FNDC7: variants seen among roughly 807,000 people sequenced by gnomAD.
FNDC7 encodes fibronectin type III domain containing 7.
FNDC7 carries 66 observed loss-of-function variants against 74.2 expected under a neutral mutation model. The ratio of observed to expected loss-of-function variants is 0.89; its 90% confidence interval spans 0.73 to 1.09. FNDC7 has a LOEUF of 1.09. FNDC7 is among the 50% of genes least tolerant of loss of function. The pLI, the probability that FNDC7 is intolerant of heterozygous loss-of-function variation, is 0.00. For missense variants in FNDC7, 829 were observed against 893.4 expected (o/e 0.93, Z 0.92); for synonymous variants, 307 against 330.2 (o/e 0.93, Z 0.76).
chr1:108,732,322 A>C (rs28684574), intron 9 of FNDC7, among the ~76,000 whole-genome samples: 9,617 of 145,802 alleles, frequency 0.066, 775 homozygotes, highest in African/African-American at 0.2. Context: ...AGCCTGGGCA[A>C]CAGAGCGAGA....
rs146062103 is a variant in FNDC7 at position 108,739,474 on chromosome 1, C to T, written c.2170+1950C>T. 7.3e-3 allele frequency among the ~76,000 whole-genome samples: 1,107 copies of T among 152,288 alleles called. 10 individuals are homozygous for T. Among genetic ancestry groups the T allele is most frequent in the African/African-American group, 0.022 (896 of 41,554 alleles). ...AGTGAGCTATGATAGCACCACTGCG[C>T]TCCAGCCTGGGTGACAGAGTGAGAC... On this transcript the variant is annotated intron_variant, in intron 11 of 12. Coordinates refer to ENST00000370017, the MANE Select transcript of FNDC7 (RefSeq NM_001144937.3).
At chr1:108,736,573 T>C in intron 10 of FNDC7, among the ~76,000 whole-genome samples, 1 of 152,236 alleles carries the variant, frequency 6.6e-6, no homozygotes, top group African/African-American at 2.4e-5. Context: ...TTTTGTTCTT[T>C]CTCCTGCTCC....
intron 1 of FNDC7, 93 bp downstream of exon 1, chr1:108,713,089 A>G (rs1660906310): frequency 1.8e-6 from 2 of 1,124,274 alleles, no homozygotes. Context: ...GAGTTGGGGA[A>G]TAGGGAGATA....
chr1:108,722,459 G>A lies in FNDC7; in HGVS notation c.723G>A (p.Glu241=), dbSNP rs1661115057. 3 of 1,614,260 alleles carry A rather than the reference G, an allele frequency of 1.9e-6. No homozygotes were observed. The highest frequency in any genetic ancestry group is 4.5e-5 in the East Asian group (2 of 44,892). Residue 241 remains glutamate, a synonymous_variant, in exon 5 of 13, where the codon GAG becomes GAA. Coordinates refer to ENST00000370017, the MANE Select transcript of FNDC7 (RefSeq NM_001144937.3). ...YTVMALSDSS[E]LTCSTTFSSC... The stretch of plus-strand genomic sequence containing the variant: ...TGATGGCTTTGAGCGACTCTTCAGA[G>A]CTGACCTGCAGTACAACTTTCAGTT...
intron 9 of FNDC7, among the ~76,000 whole-genome samples, chr1:108,731,569 A>G (rs1247580662): frequency 3.3e-5 from 5 of 152,226 alleles, no homozygotes; most frequent in African/African-American, 1.2e-4. Flanking sequence ...TACAATGATA[A>G]GTTACCTCTG....
intron 2 of FNDC7, among the ~76,000 whole-genome samples, chr1:108,717,122 G>C (rs1660992947): frequency 6.6e-6 from 1 of 152,192 alleles, no homozygotes; most frequent in Non-Finnish European, 1.5e-5. Flanking sequence ...GAGAAAGGGA[G>C]AATAAAGTTT....
chr1:108,728,958 C>T (rs750203904), intron 8 of FNDC7, 72 bp downstream of exon 8: 18 of 1,555,502 alleles, frequency 1.2e-5, no homozygotes, highest in Non-Finnish European at 1.5e-5. Context: ...ACATGAACTT[C>T]CTTATTTAAT....
chr1:108,718,679 TA>T, intron 3 of FNDC7, 109 bp from the exon 4 acceptor site: 1 of 1,217,938 alleles, frequency 8.2e-7, no homozygotes, highest in Non-Finnish European at 1.1e-6. Context: ...AATGCTCTTC[TA>T]AAGCAAATAA....
At chr1:108,730,566 T>G in intron 8 of FNDC7, 108 bp from the exon 9 acceptor site, 1 of 1,229,746 alleles carries the variant, frequency 8.1e-7, no homozygotes, top group East Asian at 2.5e-5. Context: ...AGTTGGGGAA[T>G]GTAGGATATT....
In FNDC7 at chr1:108,722,461, TGACCTGCAGTA is replaced by T; in HGVS notation, c.726_736del (p.Thr243AsnfsTer15). 3 of 1,614,254 alleles carry T rather than the reference TGACCTGCAGTA, an allele frequency of 1.9e-6. No homozygotes were observed. The South Asian group carries it at 3.3e-5, about 18-fold the overall frequency. On this transcript the variant is annotated frameshift_variant, in exon 5 of 13. Transcript: ENST00000370017. LOFTEE classifies it high-confidence loss of function. ...ATGGCTTTGAGCGACTCTTCAGAGC[TGACCTGCAGTA>T]CAACTTTCAGTTCCTGCACCATCTC...
chr1:108,722,962 C>T (rs1258073806), intron 5 of FNDC7, among the ~76,000 whole-genome samples: 2 of 137,854 alleles, frequency 1.5e-5, no homozygotes, highest in East Asian at 4.7e-4. Context: ...ATGTCCTAGG[C>T]TTGGTGGGAG....
chr1:108,732,142 G>A (rs28540280), intron 9 of FNDC7, among the ~76,000 whole-genome samples: 10,183 of 152,000 alleles, frequency 0.067, 838 homozygotes, highest in African/African-American at 0.2. Flanking sequence ...GGCGGATCAC[G>A]AGGTCAGGAG....
At chr1:108,713,485 C>T in intron 1 of FNDC7, 26 bp from the exon 2 acceptor site, 1 of 1,548,226 alleles carries the variant, frequency 6.5e-7, no homozygotes. Context: ...CTGTGTGGTT[C>T]TAATTTTCCA....
rs1660903178 is a variant in FNDC7, at chr1:108,712,983, T to C, written c.50T>C (p.Ile17Thr). 1.3e-6 allele frequency: 2 copies of C among 1,551,642 alleles called. No individual in the cohort carries two copies. Among genetic ancestry groups the C allele is most frequent in the South Asian group, 1.2e-5 (1 of 84,052 alleles). ...TTGCCTTTGATTGGATTCATTCTTA[T>C]CTGTCTTAAAATGGTGAGTTCATCA... ...TCLPLIGFIL[I>T]CLKMVASAKS... is the part of the protein sequence containing the mutation. Residue 17 changes from isoleucine to threonine, a missense_variant, in exon 1 of 13, where the codon ATC (isoleucine) becomes ACC (threonine). Coordinates refer to ENST00000370017, the MANE Select transcript of FNDC7 (RefSeq NM_001144937.3).
rs960628952 is a variant in FNDC7 at position 108,742,382 on chromosome 1, T to C, written c.*495T>C. 2 of 152,916 alleles carry C rather than the reference T, an allele frequency of 1.3e-5. No homozygotes were observed. Among genetic ancestry groups the C allele is most frequent in the African/African-American group, 4.8e-5 (2 of 41,430 alleles). The allele number at this position is 152,916 out of a possible 1,614,324, so 9.5% of individuals were successfully genotyped here. A position where few individuals can be genotyped will look rare whatever the true frequency, so the allele number is the denominator to read the frequency against. On this transcript the variant is annotated 3_prime_UTR_variant, in exon 13 of 13. Coordinates refer to ENST00000370017, the MANE Select transcript of FNDC7 (RefSeq NM_001144937.3). Reference sequence around the variant, plus strand: ...AGACAAACCTCCAGCAGGACTTCAGTATAGGTTGGAAAGCAGTAGCTGCCA... The same window carrying C: ...AGACAAACCTCCAGCAGGACTTCAGCATAGGTTGGAAAGCAGTAGCTGCCA...
chr1:108,730,042 G>A (rs569852039), intron 8 of FNDC7, among the ~76,000 whole-genome samples: 1 of 152,298 alleles, frequency 6.6e-6, no homozygotes, highest in Admixed American at 6.5e-5. Context: ...TGTTCTGTTG[G>A]GAGAAGTGAA....
At position 108,722,333 on chromosome 1, in the gene FNDC7, AG is replaced by A. The variant is rs1178907538; in HGVS notation, c.599del. ...AATCTTAATTGTTTCTCTAAAATGT[AG>A]GTCCTCGGGCCCCTGCCAACATTCA... On this transcript the variant is annotated splice_acceptor_variant, in intron 4 of 12. Coordinates refer to ENST00000370017, the MANE Select transcript of FNDC7 (RefSeq NM_001144937.3). LOFTEE classifies it high-confidence loss of function. 6.3e-7 allele frequency: 1 copy of A among 1,587,976 alleles called. No homozygotes were observed. The highest frequency in any genetic ancestry group is 2.2e-5 in the East Asian group (1 of 44,542).
rs1214598390 is a variant in FNDC7, at chr1:108,727,853, A to T, written c.1157A>T (p.Asp386Val). 1 of 1,614,116 alleles carries T rather than the reference A, an allele frequency of 6.2e-7. No individual in the cohort carries two copies. Among genetic ancestry groups the T allele is most frequent in the East Asian group, 2.2e-5 (1 of 44,882 alleles). Reference sequence around the variant, plus strand: ...ATTAACCCCGTGTTGGTGTCCAGTGACAGAGTTGAGATTGTCTGGTCTCCT... The same window carrying T: ...ATTAACCCCGTGTTGGTGTCCAGTGTCAGAGTTGAGATTGTCTGGTCTCCT... ...SDINPVLVSS[D>V]RVEIVWSPVR... Residue 386 changes from aspartate to valine, a missense_variant, in exon 7 of 13, where the codon GAC becomes GTC. Coordinates refer to ENST00000370017, the MANE Select transcript of FNDC7 (RefSeq NM_001144937.3).
chr1:108,727,717 A>C, intron 6 of FNDC7, 91 bp from the exon 7 acceptor site: 5 of 1,493,780 alleles, frequency 3.3e-6, no homozygotes, highest in Non-Finnish European at 9.1e-7. Context: ...GCAGTGGCAG[A>C]GGCTCTGGGC....
Sources: allele counts gnomAD v4.1 joint callset (sites outside exome capture counted in the v4.1 genomes callset), GRCh38; gene constraint gnomAD v4.1.1; transcripts MANE v1.5; gene names NCBI Gene and HGNC (gene_info 2026-07-23, HGNC 2026-07-21).